The following TGFBR2 variants were observed in gnomAD, a reference collection of about 807,000 sequenced individuals.
The protein encoded by TGFBR2 is TGF-beta receptor type-2.
TGFBR2 carries 18 observed loss-of-function variants against 49.0 expected under a neutral mutation model. That is an observed-to-expected ratio of 0.37 (90% CI 0.25 to 0.54). The LOEUF is 0.54. Ranked by LOEUF, TGFBR2 falls within the 20% of genes least tolerant of loss-of-function variation. The pLI is 0.85. For synonymous variants in TGFBR2, 282 were observed against 275.9 expected (o/e 1.02, Z -0.22); for missense variants, 525 against 722.6 (o/e 0.73, Z 3.13).
rs1056094482 is a variant in TGFBR2, at chr3:30,607,203, T to A, written c.94+226T>A. 3.3e-5 allele frequency among the ~76,000 whole-genome samples: 5 copies of A among 152,370 alleles called. No individual in the cohort carries two copies. The South Asian group carries it at 1.0e-3, about 32-fold the overall frequency. On this transcript the variant is annotated intron_variant, in intron 1 of 6. Transcript: ENST00000295754. ...AGTTGCAAGGGGCGCGGGGCACGTT[T>A]GGTCCCCTTTGTGCGAGCAGGAAAG...
intron 1 of TGFBR2, among the ~76,000 whole-genome samples, chr3:30,610,622 G>A (rs1217272010): frequency 6.6e-6 from 1 of 152,166 alleles, no homozygotes; most frequent in East Asian, 1.9e-4. Flanking sequence ...TGGCTGTGTA[G>A]CCTGTTGTAG....
chr3:30,679,736 G>A (rs1469559654), intron 5 of TGFBR2, among the ~76,000 whole-genome samples: 5 of 152,232 alleles, frequency 3.3e-5, no homozygotes, highest in African/African-American at 1.2e-4. Flanking sequence ...AAGTTGTGGA[G>A]CCAGGAATCA....
chr3:30,673,656 C>T (rs1479611783), intron 4 of TGFBR2, among the ~76,000 whole-genome samples: 2 of 152,132 alleles, frequency 1.3e-5, no homozygotes, highest in Non-Finnish European at 2.9e-5. Context: ...AAGATTAAGA[C>T]TCAGTCCTAA....
At chr3:30,629,931 C>T (rs987919186) in intron 1 of TGFBR2, among the ~76,000 whole-genome samples, 2 of 152,074 alleles carry the variant, frequency 1.3e-5, no homozygotes, top group African/African-American at 2.4e-5. Context: ...CTGGGTTAAG[C>T]GCATTCTAGT....
intron 5 of TGFBR2, among the ~76,000 whole-genome samples, chr3:30,684,865 A>G (rs543429219): frequency 6.6e-6 from 1 of 152,284 alleles, no homozygotes; most frequent in African/African-American, 2.4e-5. Context: ...AATATGCCCA[A>G]TGCCATCTTC....
intron 3 of TGFBR2, among the ~76,000 whole-genome samples, chr3:30,667,145 T>A (rs1178867293): frequency 2.0e-5 from 3 of 152,236 alleles, no homozygotes; most frequent in Non-Finnish European, 4.4e-5. Context: ...AATAGCAGTT[T>A]CTACCTCATA....
chr3:30,657,953 CCTCTG>C (rs1177709472), intron 3 of TGFBR2, among the ~76,000 whole-genome samples: 1 of 152,202 alleles, frequency 6.6e-6, no homozygotes, highest in Non-Finnish European at 1.5e-5. Context: ...GACCTGTTTG[CCTCTG>C]ATCTTAAGGA....
intron 1 of TGFBR2, among the ~76,000 whole-genome samples, chr3:30,631,669 G>GCCCC (rs1698440497): frequency 6.7e-6 from 1 of 149,368 alleles, no homozygotes; most frequent in Non-Finnish European, 1.5e-5. Flanking sequence ...AAAACATGAA[G>GCCCC]GGGGAAGTTT....
At chr3:30,623,415 G>T in intron 1 of TGFBR2, 1 of 1,093,342 alleles carries the variant, frequency 9.1e-7, no homozygotes, top group Non-Finnish European at 1.3e-6. Flanking sequence ...TGTTAAAGAG[G>T]CGATGGCAGT....
In TGFBR2 at chr3:30,606,989, C is replaced by A; in HGVS notation, c.94+12C>A. 1 of 1,579,832 alleles carries A rather than the reference C, an allele frequency of 6.3e-7. No homozygotes were observed. Among genetic ancestry groups the A allele is most frequent in the Non-Finnish European group, 8.6e-7 (1 of 1,162,632 alleles). ...CGTTCAGAAGTCGGGTGAGTGGTCC[C>A]CAGCCCGGGCTCGGCGGGGCGCCGG... On this transcript the variant is annotated intron_variant, in intron 1 of 6. Coordinates refer to ENST00000295754, the MANE Select transcript of TGFBR2 (RefSeq NM_003242.6).
At chr3:30,680,090 A>C (rs925967768) in intron 5 of TGFBR2, among the ~76,000 whole-genome samples, 1 of 152,112 alleles carries the variant, frequency 6.6e-6, no homozygotes, top group Non-Finnish European at 1.5e-5. Context: ...GTGCCACTGC[A>C]CTCTAGCCTG....
At chr3:30,623,184 T>A in intron 1 of TGFBR2, 2 of 1,362,184 alleles carry the variant, frequency 1.5e-6, no homozygotes, top group Non-Finnish European at 2.1e-6. Flanking sequence ...TGGATATAAT[T>A]ATCCTGTTTT....
chr3:30,626,424 A>G (rs1259555782), intron 1 of TGFBR2: 2 of 152,622 alleles, frequency 1.3e-5, no homozygotes, highest in East Asian at 1.9e-4. Flanking sequence ...AGTGGGGGGA[A>G]TGGATGATTT....
rs138261490 is a variant in TGFBR2, at chr3:30,660,972, A to C, written c.454+10512A>C. ...GTGGTTCACCTGGAAAGCCAGGGAG[A>C]GAGAGAGGATGTATTCTGGTGACCT... On this transcript the variant is annotated intron_variant, in intron 3 of 6. Coordinates refer to ENST00000295754, the MANE Select transcript of TGFBR2 (RefSeq NM_003242.6). 7.2e-5 allele frequency among the ~76,000 whole-genome samples: 11 copies of C among 152,266 alleles called. No individual in the cohort carries two copies. In the South Asian group the frequency reaches 8.3e-4, roughly 11 times the overall value.
rs1553627538 is a variant in TGFBR2 at position 30,648,460 on chromosome 3, A to ACACACACACACCCACC, written c.264-1808_264-1807insCACACACACCCACCCA. 2.0e-4 allele frequency among the ~76,000 whole-genome samples: 29 copies of ACACACACACACCCACC among 142,482 alleles called. No homozygotes were observed. The East Asian group carries it at 4.1e-3, about 20-fold the overall frequency. The allele number at this position is 142,482 out of a possible 152,430, so 93.5% of individuals were successfully genotyped here. ...CACACACACACACACACACACACAC[A>ACACACACACACCCACC]CAAAACTGTGGGGGCAGGGAGGAAG... On this transcript the variant is annotated intron_variant, in intron 2 of 6. Transcript: ENST00000295754.
At chr3:30,634,328 A>G (rs1395368616) in intron 1 of TGFBR2, among the ~76,000 whole-genome samples, 1 of 152,240 alleles carries the variant, frequency 6.6e-6, no homozygotes, top group African/African-American at 2.4e-5. Context: ...ACTTTGAGAT[A>G]AAGAATTGTT....
intron 1 of TGFBR2, among the ~76,000 whole-genome samples, chr3:30,635,326 C>T (rs1698508480): frequency 6.6e-6 from 1 of 152,018 alleles, no homozygotes; most frequent in Non-Finnish European, 1.5e-5. Context: ...AGAGAGGTCC[C>T]CTGCCACTAA....
intron 5 of TGFBR2, among the ~76,000 whole-genome samples, chr3:30,674,656 T>C (rs1255588275): frequency 6.6e-6 from 1 of 152,184 alleles, no homozygotes; most frequent in African/African-American, 2.4e-5. Flanking sequence ...GGAAAAAGAT[T>C]TGATTCAAAA....
intron 1 of TGFBR2, among the ~76,000 whole-genome samples, chr3:30,625,531 C>T (rs2125456082): frequency 6.6e-6 from 1 of 152,256 alleles, no homozygotes; most frequent in Non-Finnish European, 1.5e-5. Flanking sequence ...CATTATCTTC[C>T]TTTAAGCTTA....
Sources: allele counts gnomAD v4.1 joint callset (sites outside exome capture counted in the v4.1 genomes callset), GRCh38; gene constraint gnomAD v4.1.1; transcripts MANE v1.5; gene names NCBI Gene and HGNC (gene_info 2026-07-23, HGNC 2026-07-21).